SPAG16: variants seen among roughly 807,000 people sequenced by gnomAD.
SPAG16 encodes the protein sperm-associated antigen 16 protein.
SPAG16 carries 86 observed loss-of-function variants against 80.4 expected under a neutral mutation model. The observed-to-expected ratio is 1.07, with a 90% confidence interval of 0.90 to 1.28. The LOEUF is 1.28. Ranked by LOEUF, SPAG16 falls within the 50% of genes most tolerant of loss-of-function variation. SPAG16 has a pLI of 0.00. For missense variants in SPAG16, 870 were observed against 765.3 expected, an observed-to-expected ratio of 1.14 and a Z score of -1.61; for synonymous variants, 294 against 265.9, an observed-to-expected ratio of 1.11 and a Z score of -1.03.
intron 9 of SPAG16, among the ~76,000 whole-genome samples, chr2:213,383,800 A>G (rs1238543925): frequency 2.0e-5 from 3 of 152,322 alleles, no homozygotes; most frequent in African/African-American, 7.2e-5. Flanking sequence ...AATACAATAA[A>G]TAGTGATGTT....
At chr2:214,391,091 C>A (rs571777839) in intron 15 of SPAG16, among the ~76,000 whole-genome samples, 8 of 152,274 alleles carry the variant, frequency 5.3e-5, no homozygotes, top group African/African-American at 1.9e-4. Context: ...TGACTGTTGA[C>A]AGGCTGTTTG....
At chr2:214,051,500 A>G (rs1420256042) in intron 13 of SPAG16, among the ~76,000 whole-genome samples, 2 of 152,230 alleles carry the variant, frequency 1.3e-5, no homozygotes, top group African/African-American at 4.8e-5. Context: ...TTTCCTCCCC[A>G]TCTTATTCAC....
intron 15 of SPAG16, among the ~76,000 whole-genome samples, chr2:214,367,279 G>T (rs2126081372): frequency 6.6e-6 from 1 of 152,276 alleles, no homozygotes; most frequent in South Asian, 2.1e-4. Context: ...AACAATTCAT[G>T]TGATCAATAA....
At chr2:213,818,563 A>G (rs953324115) in intron 10 of SPAG16, among the ~76,000 whole-genome samples, 1 of 152,154 alleles carries the variant, frequency 6.6e-6, no homozygotes, top group African/African-American at 2.4e-5. Flanking sequence ...TTTACTACTC[A>G]TCTATTGTTG....
intron 11 of SPAG16, among the ~76,000 whole-genome samples, chr2:213,873,978 T>C (rs975375280): frequency 1.3e-5 from 2 of 152,290 alleles, no homozygotes; most frequent in African/African-American, 4.8e-5. Context: ...CAAACTTATA[T>C]AGTTACTGTA....
chr2:213,461,507 A>G (rs931847186), intron 9 of SPAG16, among the ~76,000 whole-genome samples: 2 of 152,206 alleles, frequency 1.3e-5, no homozygotes, highest in African/African-American at 4.8e-5. Flanking sequence ...GCAGGGAGAC[A>G]TATTAGAGGC....
chr2:214,367,634 A>C (rs1439308036), intron 15 of SPAG16, among the ~76,000 whole-genome samples: 1 of 152,212 alleles, frequency 6.6e-6, no homozygotes, highest in African/African-American at 2.4e-5. Flanking sequence ...TAGATAGACT[A>C]CATAAAATAA....
Position 214,266,476 on chromosome 2 carries a change from C to T in SPAG16, c.1720+117210C>T, listed in dbSNP as rs371161240. ...TAGATATAGAATGAATGTTCCACAA[C>T]AGAGTAAAAGCCATATATGACAACC... On this transcript the variant is annotated intron_variant, in intron 15 of 15. Transcript: ENST00000331683. 2.8e-4 allele frequency among the ~76,000 whole-genome samples: 43 copies of T among 151,852 alleles called. 1 individual carries two copies. The East Asian group carries it at 5.2e-3, about 18-fold the overall frequency.
Position 214,208,039 on chromosome 2 carries a change from C to T in SPAG16, c.1720+58773C>T, listed in dbSNP as rs143239054. Among the ~76,000 whole-genome samples the T allele has an allele frequency of 5.4e-3, 822 of 152,314 alleles. 7 individuals carry two copies. The highest frequency in any genetic ancestry group is 0.034 in the Middle Eastern group (10 of 294). On this transcript the variant is annotated intron_variant, in intron 15 of 15. Coordinates refer to ENST00000331683, the MANE Select transcript of SPAG16 (RefSeq NM_024532.5). ...AGCCACTACTGGCTTCCTACCTCCTCAGTTTGCAGACTGCTTATTGTGGGA... is the reference window on the plus strand; with the variant it reads ...AGCCACTACTGGCTTCCTACCTCCTTAGTTTGCAGACTGCTTATTGTGGGA...
intron 15 of SPAG16, among the ~76,000 whole-genome samples, chr2:214,176,436 A>G (rs2057082365): frequency 6.6e-6 from 1 of 151,336 alleles, no homozygotes; most frequent in Admixed American, 6.6e-5. Flanking sequence ...TGCCCCTCTT[A>G]TCTGTTCACT....
intron 10 of SPAG16, among the ~76,000 whole-genome samples, chr2:213,496,446 A>G (rs945659893): frequency 6.6e-6 from 1 of 152,162 alleles, no homozygotes; most frequent in Non-Finnish European, 1.5e-5. Flanking sequence ...TTAGATATAC[A>G]TAGGACACCT....
intron 12 of SPAG16, among the ~76,000 whole-genome samples, chr2:213,983,731 G>A (rs2045877752): frequency 6.6e-6 from 1 of 151,884 alleles, no homozygotes; most frequent in Non-Finnish European, 1.5e-5. Context: ...TAGCTTGCTT[G>A]TCATTTCAAC....
chr2:213,682,837 G>GT (rs1419840130), intron 10 of SPAG16, among the ~76,000 whole-genome samples: 1 of 152,206 alleles, frequency 6.6e-6, no homozygotes, highest in African/African-American at 2.4e-5. Flanking sequence ...GATTTACGCG[G>GT]TTTTTAATCA....
At chr2:213,847,656 G>C (rs376829434) in intron 10 of SPAG16, among the ~76,000 whole-genome samples, 3 of 152,264 alleles carry the variant, frequency 2.0e-5, no homozygotes, top group East Asian at 3.9e-4. Context: ...TTTGGGTGGG[G>C]ACAAATATCC....
chr2:214,357,011 T>C (rs1698855443), intron 15 of SPAG16, among the ~76,000 whole-genome samples: 1 of 151,914 alleles, frequency 6.6e-6, no homozygotes, highest in Admixed American at 6.6e-5. Flanking sequence ...TAATATGGAT[T>C]TGTAGGGAAC....
chr2:213,636,518 G>C (rs1029100562), intron 10 of SPAG16, among the ~76,000 whole-genome samples: 1 of 152,156 alleles, frequency 6.6e-6, no homozygotes, highest in Admixed American at 6.5e-5. Flanking sequence ...GATGGGAATT[G>C]CATTGAATTT....
intron 15 of SPAG16, among the ~76,000 whole-genome samples, chr2:214,205,973 T>G (rs2125732901): frequency 6.6e-6 from 1 of 152,018 alleles, no homozygotes. Context: ...GGTGGGCAGA[T>G]TACGAGGTCA....
At chr2:214,188,188 T>G (rs2057541349) in intron 15 of SPAG16, among the ~76,000 whole-genome samples, 1 of 152,114 alleles carries the variant, frequency 6.6e-6, no homozygotes, top group South Asian at 2.1e-4. Context: ...AAGGCTAGAA[T>G]GAAAGTCTAC....
chr2:214,319,841 T>C (rs1415135224), intron 15 of SPAG16, among the ~76,000 whole-genome samples: 2 of 152,238 alleles, frequency 1.3e-5, no homozygotes, highest in Non-Finnish European at 2.9e-5. Context: ...TCTCTGATAC[T>C]GTGATACTGC....
Sources: gnomAD v4.1 joint callset for allele counts (sites outside exome capture counted in the v4.1 genomes callset) on GRCh38, gnomAD v4.1.1 for gene constraint, MANE v1.5 for transcripts, NCBI Gene and HGNC (gene_info 2026-07-23, HGNC 2026-07-21) for gene names.